Variants in IFITM5 observed in about 807,000 individuals in gnomAD.
The protein encoded by IFITM5 is interferon induced transmembrane protein 5, also known as interferon-induced transmembrane protein 5.
A neutral mutation model predicts 9.2 loss-of-function variants in IFITM5; 10 were observed. The ratio of observed to expected loss-of-function variants is 1.09; its 90% CI spans 0.67 to 1.85. The LOEUF (loss-of-function observed/expected upper bound fraction) is 1.85, where lower values mean the gene tolerates loss of function less well. Ranked by LOEUF, IFITM5 falls within the 40% of genes most tolerant of loss-of-function variation. IFITM5 has a pLI of 0.00. For synonymous variants in IFITM5, 93 were observed against 86.6 expected (o/e 1.07, Z -0.41); for missense variants, 225 against 182.6 (o/e 1.23, Z -1.34).
In IFITM5 at chr11:298,632, C is replaced by T. The variant is rs747064580; in HGVS notation, c.268G>A (p.Ala90Thr). Residue 90 changes from alanine to threonine, a missense_variant, in exon 2 of 2, where the codon GCG (alanine) becomes ACG (threonine). By Grantham distance (58) the Ala-to-Thr change is moderately conservative (BLOSUM62 0). Transcript: ENST00000382614. ...AGTGGCGGCACCAGCGTCCACATCG[C>T]GGCCAGGATGTTGTAGCACTTGGCT... ...SKAKCYNILA[A>T]MWTLVPPLLL... 58 of 1,613,578 alleles carry T rather than the reference C, an allele frequency of 3.6e-5. No individual in the cohort carries two copies. The highest frequency in any genetic ancestry group is 2.9e-4 in the East Asian group (13 of 44,890).
At position 298,429 on chromosome 11, in the gene IFITM5, G is replaced by A; in HGVS notation, c.*72C>T. On this transcript the variant is annotated 3_prime_UTR_variant, in exon 2 of 2. Coordinates refer to ENST00000382614, the MANE Select transcript of IFITM5 (RefSeq NM_001025295.3). ...AGGAGGGCCAGGCTCCGGGGAGTCAGTATTGGGCCCCAGGGGCAGCAGCCT... is the reference window on the plus strand; with the variant it reads ...AGGAGGGCCAGGCTCCGGGGAGTCAATATTGGGCCCCAGGGGCAGCAGCCT... 2 of 1,507,252 alleles carry A rather than the reference G, an allele frequency of 1.3e-6. No homozygotes were observed. The highest frequency in any genetic ancestry group is 1.8e-6 in the Non-Finnish European group (2 of 1,109,704). The allele number at this position is 1,507,252 out of a possible 1,614,324, so 93.4% of individuals were successfully genotyped here.
In IFITM5 at chr11:299,503, C is replaced by T. The variant is rs545096603; in HGVS notation, c.-13G>A. ...ACGCCGTGTCCATGGGTTCCAGCGC[C>T]GTCTCTTCCACACTCAGACTGGTGC... On this transcript the variant is annotated 5_prime_UTR_variant, in exon 1 of 2. Coordinates refer to ENST00000382614, the MANE Select transcript of IFITM5 (RefSeq NM_001025295.3). 33 of 1,458,576 alleles carry T rather than the reference C, an allele frequency of 2.3e-5. No individual in the cohort carries two copies. Among genetic ancestry groups the T allele is most frequent in the East Asian group, 1.8e-4 (7 of 38,072 alleles). 90.4% of individuals were successfully genotyped at this position (1,458,576 alleles called of 1,614,324 possible).
rs776714503 is a variant in IFITM5, at chr11:299,437, G to A, written c.54C>T (p.Ala18=). 41 of 1,533,764 alleles carry A rather than the reference G, an allele frequency of 2.7e-5. No individual in the cohort carries two copies. The highest frequency in any genetic ancestry group is 1.7e-4 in the Middle Eastern group (1 of 5,764). Reference sequence around the variant, plus strand: ...CCAGTGTGAGGGCTGTGTGGGCACCGGCCTTGCTGGGCGTGGGGGCCCGGG... The same window carrying A: ...CCAGTGTGAGGGCTGTGTGGGCACCAGCCTTGCTGGGCGTGGGGGCCCGGG... ...EDTRAPTPSK[A]GAHTALTLGA... is the part of the protein sequence containing the mutation. Residue 18 remains alanine (A), a synonymous_variant, in exon 1 of 2, where the codon GCC becomes GCT. Coordinates refer to ENST00000382614, the MANE Select transcript of IFITM5 (RefSeq NM_001025295.3).
At position 298,528 on chromosome 11, in the gene IFITM5, G is replaced by C. The variant is rs1460046738; in HGVS notation, c.372C>G (p.Thr124=). 1 of 1,612,218 alleles carries C rather than the reference G, an allele frequency of 6.2e-7. No homozygotes were observed. The highest frequency in any genetic ancestry group is 8.5e-7 in the Non-Finnish European group (1 of 1,179,866). The stretch of plus-strand genomic sequence containing the variant: ...AGTCATAGTCCGCGTCATCAAACTT[G>C]GTGCTGAAGAAGGCGGCAGAGTCCT... The part of the protein sequence containing the change: ...LAKDSAAFFS[T]KFDDADYD The change falls in exon 2 of 2, where the codon ACC becomes ACG. Residue 124 remains threonine (T), a synonymous_variant. Coordinates refer to ENST00000382614, the MANE Select transcript of IFITM5 (RefSeq NM_001025295.3).
In IFITM5 at chr11:298,503, A is replaced by T. The variant is rs1335941629; in HGVS notation, c.397T>A (p.Ter133ArgextTer5). 5.6e-6 allele frequency: 9 copies of T among 1,610,482 alleles called. No homozygotes were observed. Among genetic ancestry groups the T allele is most frequent in the Admixed American group, 1.7e-5 (1 of 59,884 alleles). ...GCCCCAGATCAGGACCCAGCCTGTC[A>T]GTCATAGTCCGCGTCATCAAACTTG... is the stretch of plus-strand genomic sequence containing the variant. ...STKFDDADYD[*>R] Residue 133 changes from the stop codon to arginine, a stop_lost, in exon 2 of 2, where the codon TGA (stop) becomes AGA (arginine). Coordinates refer to ENST00000382614, the MANE Select transcript of IFITM5 (RefSeq NM_001025295.3).
At position 298,367 on chromosome 11, in the gene IFITM5, C is replaced by A. The variant is rs1332007098; in HGVS notation, c.*134G>T. ...TGCCCATGTTGGGGCTGGAGGGCCC[C>A]AGGATCAGGATGGGGCAGGGATGGA... On this transcript the variant is annotated 3_prime_UTR_variant, in exon 2 of 2. Coordinates refer to ENST00000382614, the MANE Select transcript of IFITM5 (RefSeq NM_001025295.3). 1.0e-6 allele frequency: 1 copy of A among 979,598 alleles called. No individual in the cohort carries two copies. Among genetic ancestry groups the A allele is most frequent in the East Asian group, 2.6e-5 (1 of 38,056 alleles). 60.7% of individuals were successfully genotyped at this position (979,598 alleles called of 1,614,324 possible).
chr11:298,670 C>CA lies in IFITM5; in HGVS notation c.229_230insT (p.Arg77LeufsTer51), dbSNP rs1564845497. The CA allele has an allele frequency of 6.2e-7, 1 of 1,613,688 alleles. No individual in the cohort carries two copies. The highest frequency in any genetic ancestry group is 2.2e-5 in the East Asian group (1 of 44,878). The stretch of plus-strand genomic sequence containing the variant: ...GTAGCACTTGGCTTTGGAGCCAAAA[C>CA]GCCGGGCCGCTTCCAGGTCACCAAC... On this transcript the variant is annotated frameshift_variant, in exon 2 of 2. Coordinates refer to ENST00000382614, the MANE Select transcript of IFITM5 (RefSeq NM_001025295.3). LOFTEE classifies it high-confidence loss of function.
rs765481203 is a variant in IFITM5, at chr11:299,408, G to C, written c.83C>G (p.Ala28Gly). The change falls in exon 1 of 2, where the codon GCC (alanine) becomes GGC (glycine). Residue 28 changes from alanine to glycine, a missense_variant. Transcript: ENST00000382614. The part of the protein sequence containing the change: ...AGAHTALTLG[A>G]PHPPPRDHLI... ...GTGGTCTCGAGGCGGGGGGTGCGGG[G>C]CCCCCAGTGTGAGGGCTGTGTGGGC... is the stretch of plus-strand genomic sequence containing the variant. 3 of 1,564,550 alleles carry C rather than the reference G, an allele frequency of 1.9e-6. No individual in the cohort carries two copies. Among genetic ancestry groups the C allele is most frequent in the East Asian group, 4.8e-5 (2 of 41,874 alleles).
Position 298,351 on chromosome 11 carries a change from T to C in IFITM5, c.*150A>G. 2 of 830,690 alleles carry C rather than the reference T, an allele frequency of 2.4e-6. No homozygotes were observed. Among genetic ancestry groups the C allele is most frequent in the African/African-American group, 3.4e-5 (2 of 58,248 alleles). 51.5% of individuals were successfully genotyped at this position (830,690 alleles called of 1,614,324 possible). On this transcript the variant is annotated 3_prime_UTR_variant, in exon 2 of 2. Coordinates refer to ENST00000382614, the MANE Select transcript of IFITM5 (RefSeq NM_001025295.3). Reference sequence around the variant, plus strand: ...CTGGTTCAGCCTTAGGTGCCCATGTTGGGGCTGGAGGGCCCCAGGATCAGG... The same window carrying C: ...CTGGTTCAGCCTTAGGTGCCCATGTCGGGGCTGGAGGGCCCCAGGATCAGG...
Position 298,677 on chromosome 11 carries a change from C to T in IFITM5, c.223G>A (p.Ala75Thr), listed in dbSNP as rs1845893430. ...TTGGCTTTGGAGCCAAAACGCCGGGCCGCTTCCAGGTCACCAACCACCTTC... is the reference window on the plus strand; with the variant it reads ...TTGGCTTTGGAGCCAAAACGCCGGGTCGCTTCCAGGTCACCAACCACCTTC... The part of the protein sequence containing the change: ...DQKVVGDLEA[A>T]RRFGSKAKCY... Residue 75 changes from alanine (A) to threonine (T), a missense_variant, in exon 2 of 2, where the codon GCC becomes ACC. Transcript: ENST00000382614. 11 of 1,613,526 alleles carry T rather than the reference C, an allele frequency of 6.8e-6. No homozygotes were observed. Among genetic ancestry groups the T allele is most frequent in the African/African-American group, 1.3e-5 (1 of 74,938 alleles).
chr11:298,358 G>T lies in IFITM5; in HGVS notation c.*143C>A, dbSNP rs908685210. On this transcript the variant is annotated 3_prime_UTR_variant, in exon 2 of 2. Coordinates refer to ENST00000382614, the MANE Select transcript of IFITM5 (RefSeq NM_001025295.3). ...AGCCTTAGGTGCCCATGTTGGGGCT[G>T]GAGGGCCCCAGGATCAGGATGGGGC... The T allele has an allele frequency of 2.3e-6, 2 of 887,216 alleles. No homozygotes were observed. Among genetic ancestry groups the T allele is most frequent in the Admixed American group, 2.7e-5 (1 of 36,610 alleles). The allele number at this position is 887,216 out of a possible 1,614,324, so 55.0% of individuals were successfully genotyped here.
rs779959262 is a variant in IFITM5 at position 299,401 on chromosome 11, G to A, written c.90C>T (p.His30=). 8 of 1,569,436 alleles carry A rather than the reference G, an allele frequency of 5.1e-6. No individual in the cohort carries two copies. The highest frequency in any genetic ancestry group is 6.0e-6 in the Non-Finnish European group (7 of 1,158,832). The change falls in exon 1 of 2, where the codon CAC becomes CAT. Residue 30 remains histidine, a synonymous_variant. Transcript: ENST00000382614. ...AHTALTLGAP[H]PPPRDHLIWS... is the part of the protein sequence containing the mutation. Reference sequence around the variant, plus strand: ...AGATCAAGTGGTCTCGAGGCGGGGGGTGCGGGGCCCCCAGTGTGAGGGCTG... The same window carrying A: ...AGATCAAGTGGTCTCGAGGCGGGGGATGCGGGGCCCCCAGTGTGAGGGCTG...
At chr11:299,222 G>A (rs999531022) in intron 1 of IFITM5, 83 bp downstream of exon 1, 4 of 833,180 alleles carry the variant, frequency 4.8e-6, no homozygotes, top group East Asian at 3.2e-5. Flanking sequence ...GACCCCCCAC[G>A]GAGCTCCCCA....
chr11:299,328 G>T lies in IFITM5; in HGVS notation c.163C>A (p.Leu55Met). The change falls in exon 1 of 2, where the codon CTG becomes ATG. Residue 55 changes from leucine to methionine, a missense_variant. Leu to Met is a conservative substitution (Grantham distance 15). Coordinates refer to ENST00000382614, the MANE Select transcript of IFITM5 (RefSeq NM_001025295.3). ...LYLNLCCLGF[L>M]ALAYSIKARD... ...ACCTTGATGGAGTAGGCCAGCGCCA[G>T]GAAGCCGAGGCAACACAGATTCAGG... 6.2e-7 allele frequency: 1 copy of T among 1,601,916 alleles called. No individual in the cohort carries two copies.
rs115621171 is a variant in IFITM5, at chr11:298,203, C to T, written c.*298G>A. ...CAGGAAAGAGGCCAGGAGGCACTTTCTGGAACCAGGCACTTTTAATCGTGG... is the reference window on the plus strand; with the variant it reads ...CAGGAAAGAGGCCAGGAGGCACTTTTTGGAACCAGGCACTTTTAATCGTGG... On this transcript the variant is annotated 3_prime_UTR_variant, in exon 2 of 2. Coordinates refer to ENST00000382614, the MANE Select transcript of IFITM5 (RefSeq NM_001025295.3). 942 of 430,448 alleles carry T rather than the reference C, an allele frequency of 2.2e-3. 12 individuals are homozygous for T. The highest frequency in any genetic ancestry group is 0.017 in the African/African-American group (857 of 50,128). 26.7% of individuals were successfully genotyped at this position (430,448 alleles called of 1,614,324 possible).
rs183427248 is a variant in IFITM5 at position 298,273 on chromosome 11, G to C, written c.*228C>G. 1,050 of 577,334 alleles carry C rather than the reference G, an allele frequency of 1.8e-3. 13 individuals carry two copies. The highest frequency in any genetic ancestry group is 0.017 in the African/African-American group (937 of 53,560). The allele number at this position is 577,334 out of a possible 1,614,324, so 35.8% of individuals were successfully genotyped here. On this transcript the variant is annotated 3_prime_UTR_variant, in exon 2 of 2. Transcript: ENST00000382614. ...TGAGGAGGGAGGGGCAGGATCGGGG[G>C]CAGAGTTAGGGCCCGGGAACTCTCG... is the stretch of plus-strand genomic sequence containing the variant.
At position 298,433 on chromosome 11, in the gene IFITM5, T is replaced by C; in HGVS notation, c.*68A>G. The C allele has an allele frequency of 2.0e-6, 3 of 1,514,318 alleles. No homozygotes were observed. The highest frequency in any genetic ancestry group is 2.7e-6 in the Non-Finnish European group (3 of 1,114,388). 93.8% of individuals were successfully genotyped at this position (1,514,318 alleles called of 1,614,324 possible). Reference sequence around the variant, plus strand: ...GGGCCAGGCTCCGGGGAGTCAGTATTGGGCCCCAGGGGCAGCAGCCTGGGG... The same window carrying C: ...GGGCCAGGCTCCGGGGAGTCAGTATCGGGCCCCAGGGGCAGCAGCCTGGGG... On this transcript the variant is annotated 3_prime_UTR_variant, in exon 2 of 2. Transcript: ENST00000382614.
rs770390598 is a variant in IFITM5 at position 299,270 on chromosome 11, G to A, written c.186+35C>T. 1.3e-5 allele frequency: 19 copies of A among 1,509,250 alleles called. 1 individual carries two copies. The Middle Eastern group carries it at 5.3e-4, about 42-fold the overall frequency. 93.5% of individuals were successfully genotyped at this position (1,509,250 alleles called of 1,614,324 possible). A position where few individuals can be genotyped will look rare whatever the true frequency, so the allele number is the denominator to read the frequency against. On this transcript the variant is annotated intron_variant, in intron 1 of 1. Coordinates refer to ENST00000382614, the MANE Select transcript of IFITM5 (RefSeq NM_001025295.3). Reference sequence around the variant, plus strand: ...CCCCCCACCTTGATGGAGTAGTGGAGCCTCCCCCGCAACCTCGGTAGGGCC... The same window carrying A: ...CCCCCCACCTTGATGGAGTAGTGGAACCTCCCCCGCAACCTCGGTAGGGCC...
Position 298,671 on chromosome 11 carries a change from G to T in IFITM5, c.229C>A (p.Arg77Ser), listed in dbSNP as rs753629362. Reference sequence around the variant, plus strand: ...TAGCACTTGGCTTTGGAGCCAAAACGCCGGGCCGCTTCCAGGTCACCAACC... The same window carrying T: ...TAGCACTTGGCTTTGGAGCCAAAACTCCGGGCCGCTTCCAGGTCACCAACC... ...KVVGDLEAAR[R>S]FGSKAKCYNI... Residue 77 changes from arginine to serine, a missense_variant, in exon 2 of 2, where the codon CGT becomes AGT. By Grantham distance (110) the Arg-to-Ser change is moderately radical (BLOSUM62 -1). Transcript: ENST00000382614. 6.2e-7 allele frequency: 1 copy of T among 1,613,624 alleles called. No individual in the cohort carries two copies. The highest frequency in any genetic ancestry group is 1.7e-5 in the Admixed American group (1 of 60,010).
Sources: gnomAD v4.1 joint callset for allele counts on GRCh38, gnomAD v4.1.1 for gene constraint, MANE v1.5 for transcripts, NCBI Gene and HGNC (gene_info 2026-07-23, HGNC 2026-07-21) for gene names.